The following MB21D2 variants were observed in gnomAD, a reference collection of about 807,000 sequenced individuals.
MB21D2 encodes Mab-21 domain containing 2.
Under a neutral mutation model 33.3 loss-of-function variants are expected in MB21D2, and 9 were observed. The ratio of observed to expected loss-of-function variants is 0.27; its 90% CI spans 0.16 to 0.47. The LOEUF (loss-of-function observed/expected upper bound fraction) is 0.47, where lower values mean the gene tolerates loss of function less well. Ranked by LOEUF, MB21D2 falls within the 20% of genes least tolerant of loss-of-function variation. The pLI, the probability that MB21D2 is intolerant of heterozygous loss-of-function variation, is 0.99. For synonymous variants in MB21D2, 241 were observed against 236.3 expected, an observed-to-expected ratio of 1.02 and a Z score of -0.18; for missense variants, 540 against 624.6, an observed-to-expected ratio of 0.86 and a Z score of 1.44.
chr3:192,811,570 T>C (rs1433425716), intron 1 of MB21D2, among the ~76,000 whole-genome samples: 1 of 152,196 alleles, frequency 6.6e-6, no homozygotes, highest in African/African-American at 2.4e-5. Context: ...AAAGAGTTCA[T>C]TAGCCTTCAC....
At chr3:192,840,585 G>A (rs1282436998) in intron 1 of MB21D2, among the ~76,000 whole-genome samples, 1 of 152,038 alleles carries the variant, frequency 6.6e-6, no homozygotes, top group African/African-American at 2.4e-5. Flanking sequence ...GTTAGAAACA[G>A]ATGAGTGAGG....
intron 1 of MB21D2, among the ~76,000 whole-genome samples, chr3:192,894,838 G>C (rs1466753485): frequency 6.6e-6 from 1 of 152,082 alleles, no homozygotes; most frequent in Non-Finnish European, 1.5e-5. Context: ...TCTCCCTCAA[G>C]GGAAACCTCC....
chr3:192,802,048 C>G (rs1345574439), intron 1 of MB21D2, among the ~76,000 whole-genome samples: 1 of 152,180 alleles, frequency 6.6e-6, no homozygotes. Context: ...TGTGATACGG[C>G]ATCCAGGTCC....
intron 1 of MB21D2, among the ~76,000 whole-genome samples, chr3:192,832,551 A>AGAGGCT (rs1379491669): frequency 6.6e-6 from 1 of 152,176 alleles, no homozygotes; most frequent in Non-Finnish European, 1.5e-5. Flanking sequence ...CAGCACCTTG[A>AGAGGCT]GAGGCTGAGG....
intron 1 of MB21D2, among the ~76,000 whole-genome samples, chr3:192,870,195 C>A (rs1346226072): frequency 6.6e-6 from 1 of 151,800 alleles, no homozygotes; most frequent in African/African-American, 2.4e-5. Context: ...TTCTGTAACA[C>A]GAATCCCTAA....
At chr3:192,879,005 A>G (rs907754330) in intron 1 of MB21D2, among the ~76,000 whole-genome samples, 4 of 152,154 alleles carry the variant, frequency 2.6e-5, no homozygotes, top group Admixed American at 6.5e-5. Flanking sequence ...CCATGCCAGC[A>G]TAATTCTAAA....
intron 1 of MB21D2, among the ~76,000 whole-genome samples, chr3:192,820,237 G>A (rs1712014339): frequency 6.6e-6 from 1 of 152,118 alleles, no homozygotes; most frequent in South Asian, 2.1e-4. Context: ...CCTTCAGACA[G>A]ATTTCTCTAA....
At chr3:192,882,964 C>A (rs1306378243) in intron 1 of MB21D2, among the ~76,000 whole-genome samples, 1 of 151,952 alleles carries the variant, frequency 6.6e-6, no homozygotes, top group Non-Finnish European at 1.5e-5. Flanking sequence ...AACTCCTGAC[C>A]TCAGGTAATC....
At chr3:192,834,768 A>G (rs1047661776) in intron 1 of MB21D2, among the ~76,000 whole-genome samples, 5 of 149,932 alleles carry the variant, frequency 3.3e-5, no homozygotes, top group African/African-American at 1.2e-4. Flanking sequence ...TGCGCAGACA[A>G]TTACTTTCTA....
At chr3:192,901,348 T>C (rs1195247057) in intron 1 of MB21D2, among the ~76,000 whole-genome samples, 1 of 135,122 alleles carries the variant, frequency 7.4e-6, no homozygotes, top group Non-Finnish European at 1.5e-5. Flanking sequence ...GGCGGGCAGA[T>C]CACGAGGTCA....
At chr3:192,878,217 C>T (rs551907034) in intron 1 of MB21D2, among the ~76,000 whole-genome samples, 1 of 151,694 alleles carries the variant, frequency 6.6e-6, no homozygotes, top group Non-Finnish European at 1.5e-5. Flanking sequence ...CTCTTATCCT[C>T]ACCTCAACAC....
chr3:192,885,705 T>C (rs1713717373), intron 1 of MB21D2, among the ~76,000 whole-genome samples: 1 of 152,100 alleles, frequency 6.6e-6, no homozygotes, highest in Non-Finnish European at 1.5e-5. Flanking sequence ...GAGTAGAAGA[T>C]ACTTTCAGGG....
intron 1 of MB21D2, among the ~76,000 whole-genome samples, chr3:192,811,132 G>A (rs1431172992): frequency 6.6e-6 from 1 of 152,192 alleles, no homozygotes; most frequent in Non-Finnish European, 1.5e-5. Flanking sequence ...TCAACCACTG[G>A]GGCAGAATCA....
intron 1 of MB21D2, among the ~76,000 whole-genome samples, chr3:192,881,804 T>C (rs1371433921): frequency 6.6e-6 from 1 of 152,160 alleles, no homozygotes; most frequent in Non-Finnish European, 1.5e-5. Context: ...TAGGGAGCTA[T>C]AAATGCCACA....
chr3:192,884,023 C>G (rs1713666458), intron 1 of MB21D2, among the ~76,000 whole-genome samples: 1 of 152,096 alleles, frequency 6.6e-6, no homozygotes, highest in Admixed American at 6.5e-5. Flanking sequence ...GGCTCCTTGT[C>G]ACAGCAAAGT....
chr3:192,824,381 A>T (rs1348617167), intron 1 of MB21D2, among the ~76,000 whole-genome samples: 1 of 152,060 alleles, frequency 6.6e-6, no homozygotes, highest in Non-Finnish European at 1.5e-5. Flanking sequence ...GAGATGATGG[A>T]TTATGAGAGG....
At chr3:192,892,772 C>T (rs1270077830) in intron 1 of MB21D2, among the ~76,000 whole-genome samples, 1 of 152,036 alleles carries the variant, frequency 6.6e-6, no homozygotes, top group African/African-American at 2.4e-5. Context: ...ACAGCTGGTA[C>T]GAGCAGACCC....
chr3:192,856,174 ACT>A (rs1462866330), intron 1 of MB21D2, among the ~76,000 whole-genome samples: 2 of 152,040 alleles, frequency 1.3e-5, no homozygotes, highest in Non-Finnish European at 2.9e-5. Flanking sequence ...TCAGGAGGAG[ACT>A]CTGATTGCAT....
rs753407178 is a variant in MB21D2, at chr3:192,917,615, C to CT, written c.211+14dup. The stretch of plus-strand genomic sequence containing the variant: ...CACACACACGCACACACACCTCCCC[C>CT]TTTTTCCTCCTTACCCAGCATGGAA... On this transcript the variant is annotated intron_variant, in intron 1 of 1. Transcript: ENST00000392452. 1 of 1,613,750 alleles carries CT rather than the reference C, an allele frequency of 6.2e-7. No homozygotes were observed. The highest frequency in any genetic ancestry group is 1.1e-5 in the South Asian group (1 of 91,038).
Sources: gnomAD v4.1 joint callset for allele counts (sites outside exome capture counted in the v4.1 genomes callset) on GRCh38, gnomAD v4.1.1 for gene constraint, MANE v1.5 for transcripts, NCBI Gene and HGNC (gene_info 2026-07-23, HGNC 2026-07-21) for gene names.